FGF13: variants seen among roughly 807,000 people sequenced by gnomAD.
FGF13 encodes fibroblast growth factor homologous factor 2.
In FGF13, 2 loss-of-function variants were observed where a neutral mutation model predicts 19.5. The ratio of observed to expected loss-of-function variants is 0.10; its 90% confidence interval spans 0.04 to 0.32. The LOEUF is 0.32. Among genes scored for constraint, FGF13 ranks in the 10% least tolerant of loss-of-function variants. FGF13 has a pLI of 1.00. For synonymous variants in FGF13, 72 were observed against 76.9 expected (o/e 0.94, Z 0.33); for missense variants, 113 against 192.7 (o/e 0.59, Z 2.45).
At chrX:139,050,760 G>A (rs1208493527) in intron 1 of FGF13, among the ~76,000 whole-genome samples, 2 of 112,295 alleles carry the variant, frequency 1.8e-5, no homozygotes, top group Non-Finnish European at 3.8e-5. Flanking sequence ...ACTTGGAAAT[G>A]TAATAGCTCA....
At chrX:139,087,978 T>C (rs1852127646) in intron 1 of FGF13, among the ~76,000 whole-genome samples, 1 of 112,123 alleles carries the variant, frequency 8.9e-6, no homozygotes. Context: ...CTATTTGGAA[T>C]CAGAGGAGCA....
chrX:138,965,052 C>G (rs951504388), intron 1 of FGF13, among the ~76,000 whole-genome samples: 2 of 112,091 alleles, frequency 1.8e-5, no homozygotes, highest in Admixed American at 1.9e-4. Context: ...TCCATACACA[C>G]CTGACCCTTA....
intron 3 of FGF13, among the ~76,000 whole-genome samples, chrX:138,675,079 G>T (rs773084210): frequency 1.8e-5 from 2 of 111,554 alleles, no homozygotes; most frequent in East Asian, 5.7e-4. Context: ...ACATTTGGCA[G>T]TTCTCATGGT....
chrX:138,650,773 C>A (rs780919591), intron 3 of FGF13, among the ~76,000 whole-genome samples: 1 of 111,507 alleles, frequency 9.0e-6, no homozygotes, highest in East Asian at 2.8e-4. Context: ...TTCAAAAATC[C>A]TCTCTTCTAG....
chrX:138,906,901 T>A (rs2091561508), intron 1 of FGF13, among the ~76,000 whole-genome samples: 1 of 111,711 alleles, frequency 9.0e-6, no homozygotes, highest in African/African-American at 3.3e-5. Flanking sequence ...GTAGCCCAGC[T>A]AAAAAATCTT....
chrX:138,922,832 G>A lies in FGF13; in HGVS notation c.-112-58182C>T, dbSNP rs151145318. ...TACTAGAAACATTTCTTTGTAAGAT[G>A]CCCCGCTTCATCTCTAGCCTGCATC... On this transcript the variant is annotated intron_variant, in intron 1 of 2. Transcript: ENST00000421460. 8.2e-3 allele frequency among the ~76,000 whole-genome samples: 918 copies of A among 111,816 alleles called. 14 individuals are homozygous for A. The highest frequency in any genetic ancestry group is 0.029 in the African/African-American group (882 of 30,800).
At chrX:138,764,944 T>G (rs1161486687) in intron 3 of FGF13, among the ~76,000 whole-genome samples, 1 of 111,876 alleles carries the variant, frequency 8.9e-6, no homozygotes, top group East Asian at 2.8e-4. Flanking sequence ...TATTTCTTCT[T>G]TTCAATAAGT....
At chrX:138,837,096 A>G (rs902663331) in intron 3 of FGF13, among the ~76,000 whole-genome samples, 2 of 111,893 alleles carry the variant, frequency 1.8e-5, no homozygotes, top group African/African-American at 6.5e-5. Context: ...AAACACATGT[A>G]TAGGAGGTGG....
At chrX:138,963,690 G>T (rs141114892) in intron 1 of FGF13, among the ~76,000 whole-genome samples, 1 of 112,091 alleles carries the variant, frequency 8.9e-6, no homozygotes, top group Non-Finnish European at 1.9e-5. Flanking sequence ...AAGTACTTCC[G>T]CCTCAGCCTA....
intron 3 of FGF13, among the ~76,000 whole-genome samples, chrX:138,846,532 C>T (rs1204930952): frequency 2.7e-5 from 3 of 112,080 alleles, no homozygotes; most frequent in African/African-American, 9.7e-5. Context: ...AAAAAGGATG[C>T]CACCTCTCTC....
chrX:138,728,984 A>G (rs760473173), intron 1 of FGF13, among the ~76,000 whole-genome samples: 3 of 111,519 alleles, frequency 2.7e-5, no homozygotes, highest in South Asian at 7.6e-4. Flanking sequence ...CTAGATCAAT[A>G]TAAGAGTAGA....
intron 1 of FGF13, among the ~76,000 whole-genome samples, chrX:139,009,652 G>C (rs1316559795): frequency 9.0e-6 from 1 of 111,292 alleles, no homozygotes; most frequent in Non-Finnish European, 1.9e-5. Context: ...GCTAAAAGGA[G>C]GTCTAAATCT....
chrX:138,791,353 A>C (rs2090741180), intron 3 of FGF13, among the ~76,000 whole-genome samples: 1 of 112,189 alleles, frequency 8.9e-6, no homozygotes, highest in Admixed American at 9.4e-5. Flanking sequence ...CTGTTGAATA[A>C]ACGAACACAA....
At chrX:138,734,904 C>A (rs754110378) in intron 1 of FGF13, among the ~76,000 whole-genome samples, 9 of 111,321 alleles carry the variant, frequency 8.1e-5, no homozygotes, top group Non-Finnish European at 1.5e-4. Context: ...ATGAATTGGG[C>A]AAATTCCTCT....
chrX:139,202,175 T>A (rs950478570), intron 1 of FGF13, among the ~76,000 whole-genome samples: 3 of 112,035 alleles, frequency 2.7e-5, no homozygotes, highest in Non-Finnish European at 5.6e-5. Context: ...GTGAATGAAT[T>A]TGGTTTCAGG....
chrX:138,801,503 G>C lies in FGF13; in HGVS notation c.217+56009C>G, dbSNP rs145583569. Among the ~76,000 whole-genome samples, 1,015 of 111,471 alleles carry C rather than the reference G, an allele frequency of 9.1e-3. 12 individuals carry two copies. Among genetic ancestry groups the C allele is most frequent in the African/African-American group, 0.031 (963 of 30,633 alleles). ...GCCTGATGCTAGCCACTGTTCTCTC[G>C]TATGTGGTGTCTGTTGACCCCTGCT... On this transcript the variant is annotated intron_variant, in intron 3 of 6. Transcript: ENST00000436198.
At chrX:138,958,927 T>A (rs760701124) in intron 1 of FGF13, among the ~76,000 whole-genome samples, 68 of 111,826 alleles carry the variant, frequency 6.1e-4, no homozygotes, top group Non-Finnish European at 1.0e-3. Context: ...TCTTTATTAG[T>A]CTTGCTAGTG....
At chrX:138,700,343 C>T (rs1419564889) in intron 3 of FGF13, among the ~76,000 whole-genome samples, 2 of 111,602 alleles carry the variant, frequency 1.8e-5, no homozygotes, top group Non-Finnish European at 3.8e-5. Context: ...AGGCACTTTG[C>T]AAAATTGCAT....
intron 3 of FGF13, among the ~76,000 whole-genome samples, chrX:138,660,432 C>T (rs978331236): frequency 9.9e-5 from 11 of 111,497 alleles, no homozygotes; most frequent in Admixed American, 5.7e-4. Flanking sequence ...CTTAGAAATT[C>T]TCATGACACA....
Sources: allele counts gnomAD v4.1 joint callset (sites outside exome capture counted in the v4.1 genomes callset), GRCh38; gene constraint gnomAD v4.1.1; transcripts MANE v1.5; gene names NCBI Gene and HGNC (gene_info 2026-07-23, HGNC 2026-07-21).